DGKG: variants seen among roughly 807,000 people sequenced by gnomAD.
DGKG encodes diacylglycerol kinase gamma, also known as DAG kinase gamma.
DGKG carries 78 observed loss-of-function variants against 105.3 expected under a neutral mutation model. That is an observed-to-expected ratio of 0.74 (90% CI 0.62 to 0.89). DGKG has a LOEUF of 0.89. Among genes scored for constraint, DGKG ranks in the 40% least tolerant of loss-of-function variants. DGKG has a pLI of 0.00. For synonymous variants in DGKG, 346 were observed against 367.1 expected, an observed-to-expected ratio of 0.94 and a Z score of 0.66; for missense variants, 958 against 1,020.1, an observed-to-expected ratio of 0.94 and a Z score of 0.83.
chr3:186,182,315 T>G (rs189658045), intron 22 of DGKG, among the ~76,000 whole-genome samples: 9 of 152,330 alleles, frequency 5.9e-5, no homozygotes, highest in Admixed American at 5.2e-4. Flanking sequence ...CCCCCACACC[T>G]AACAATAATT....
Position 186,148,394 on chromosome 3 carries a change from A to G in DGKG, c.*1696T>C. The G allele has an allele frequency of 1.0e-6, 1 of 985,342 alleles. No homozygotes were observed. Among genetic ancestry groups the G allele is most frequent in the Non-Finnish European group, 1.2e-6 (1 of 829,916 alleles). The allele number at this position is 985,342 out of a possible 1,614,324, so 61.0% of individuals were successfully genotyped here. ...AGTTCAGTCTGATGATCTGTTTAGT[A>G]CCTTCGATCTCAGACCAACTTCTTT... On this transcript the variant is annotated 3_prime_UTR_variant, in exon 25 of 25. Coordinates refer to ENST00000265022, the MANE Select transcript of DGKG (RefSeq NM_001346.3).
chr3:186,261,434 T>C (rs535800620), intron 15 of DGKG, among the ~76,000 whole-genome samples: 1 of 152,326 alleles, frequency 6.6e-6, no homozygotes, highest in South Asian at 2.1e-4. Context: ...GTGGTCTTAA[T>C]AATGGCTCAC....
chr3:186,330,866 T>G (rs1329061670), intron 1 of DGKG, among the ~76,000 whole-genome samples: 1 of 152,222 alleles, frequency 6.6e-6, no homozygotes, highest in Non-Finnish European at 1.5e-5. Context: ...CAGAAACACA[T>G]AGACGAATAA....
chr3:186,193,534 G>A (rs528768634), intron 21 of DGKG, among the ~76,000 whole-genome samples: 16 of 152,368 alleles, frequency 1.1e-4, no homozygotes, highest in African/African-American at 3.8e-4. Context: ...GCCCGACCCA[G>A]GCTGGTAAGA....
intron 2 of DGKG, among the ~76,000 whole-genome samples, chr3:186,319,030 C>G (rs1399129865): frequency 6.6e-6 from 1 of 152,222 alleles, no homozygotes; most frequent in Admixed American, 6.5e-5. Context: ...CTCCTTTGTG[C>G]TTCTTCTTCA....
chr3:186,326,304 AT>A (rs1157021691), intron 1 of DGKG, among the ~76,000 whole-genome samples: 1 of 151,946 alleles, frequency 6.6e-6, no homozygotes, highest in Non-Finnish European at 1.5e-5. Flanking sequence ...AGGTAGGAGA[AT>A]TGCTCGAACC....
rs184673781 is a variant in DGKG, at chr3:186,170,172, A to G, written c.2096-5154T>C. ...GGGAGCTTTTAAAAACAACAATGCC[A>G]GGTTGCACCCTATACCAATTAAATC... On this transcript the variant is annotated intron_variant, in intron 22 of 24. Coordinates refer to ENST00000265022, the MANE Select transcript of DGKG (RefSeq NM_001346.3). 5.3e-5 allele frequency among the ~76,000 whole-genome samples: 8 copies of G among 152,346 alleles called. No individual in the cohort carries two copies. The East Asian group carries it at 1.5e-3, about 29-fold the overall frequency.
At chr3:186,256,276 C>G (rs950950893) in intron 17 of DGKG, among the ~76,000 whole-genome samples, 3 of 152,184 alleles carry the variant, frequency 2.0e-5, no homozygotes, top group African/African-American at 7.2e-5. Flanking sequence ...GCAGCCTTCT[C>G]GCCCAGCTAG....
chr3:186,278,454 T>C (rs535914044), intron 9 of DGKG, among the ~76,000 whole-genome samples: 1 of 152,282 alleles, frequency 6.6e-6, no homozygotes, highest in East Asian at 1.9e-4. Flanking sequence ...GTAAGGGGGA[T>C]GATCTCTGGT....
At chr3:186,156,028 G>T (rs1036564383) in intron 24 of DGKG, among the ~76,000 whole-genome samples, 1 of 150,236 alleles carries the variant, frequency 6.7e-6, no homozygotes, top group African/African-American at 2.5e-5. Context: ...CTAATAGCTG[G>T]TTTCTTTATA....
chr3:186,241,616 C>A (rs574378607), intron 20 of DGKG, among the ~76,000 whole-genome samples: 27 of 152,060 alleles, frequency 1.8e-4, no homozygotes, highest in African/African-American at 6.5e-4. Flanking sequence ...AAGTCAACAC[C>A]TTTAGGCTCA....
chr3:186,259,598 G>A (rs1421988021), intron 16 of DGKG, among the ~76,000 whole-genome samples: 1 of 152,184 alleles, frequency 6.6e-6, no homozygotes, highest in Non-Finnish European at 1.5e-5. Context: ...TCTCTGAGGG[G>A]TCTAGCTGAA....
chr3:186,318,626 A>G (rs1455799735), intron 2 of DGKG, among the ~76,000 whole-genome samples: 1 of 152,176 alleles, frequency 6.6e-6, no homozygotes, highest in African/African-American at 2.4e-5. Context: ...GAAAGGGGGA[A>G]CTTTGGACAC....
At chr3:186,265,133 C>T (rs1351326214) in intron 14 of DGKG, 114 bp downstream of exon 14, 5 of 975,522 alleles carry the variant, frequency 5.1e-6, no homozygotes, top group Non-Finnish European at 8.1e-6. Context: ...TATAATTAGT[C>T]AGATGAGAAG....
intron 21 of DGKG, among the ~76,000 whole-genome samples, chr3:186,197,731 A>G (rs1223153942): frequency 6.6e-6 from 1 of 152,164 alleles, no homozygotes; most frequent in Non-Finnish European, 1.5e-5. Context: ...AGTAAATGTC[A>G]GTTATAGTAG....
At chr3:186,298,841 C>T (rs1003603036) in intron 3 of DGKG, among the ~76,000 whole-genome samples, 2 of 152,146 alleles carry the variant, frequency 1.3e-5, no homozygotes, top group Non-Finnish European at 2.9e-5. Context: ...TCCTGATCTT[C>T]CCTGGAAAAA....
At chr3:186,238,257 C>A (rs956902095) in intron 20 of DGKG, among the ~76,000 whole-genome samples, 7 of 132,282 alleles carry the variant, frequency 5.3e-5, no homozygotes, top group African/African-American at 1.9e-4. Context: ...GATCACACCA[C>A]TGCACTCCAG....
intron 19 of DGKG, among the ~76,000 whole-genome samples, chr3:186,250,977 C>T (rs1721195563): frequency 6.6e-6 from 1 of 152,054 alleles, no homozygotes; most frequent in Admixed American, 6.6e-5. Flanking sequence ...TTCACAGCAG[C>T]CTGGGAAGCA....
intron 20 of DGKG, among the ~76,000 whole-genome samples, chr3:186,230,330 G>A (rs1720088678): frequency 6.6e-6 from 1 of 152,224 alleles, no homozygotes; most frequent in Non-Finnish European, 1.5e-5. Flanking sequence ...GTAAGAGAAA[G>A]TGGAGTACCA....
Sources: allele counts gnomAD v4.1 joint callset (sites outside exome capture counted in the v4.1 genomes callset), GRCh38; gene constraint gnomAD v4.1.1; transcripts MANE v1.5; gene names NCBI Gene and HGNC (gene_info 2026-07-23, HGNC 2026-07-21).